Variants in SYT2 observed in about 807,000 individuals in gnomAD.
SYT2 encodes the protein synaptotagmin 2, also known as synaptotagmin-2.
A neutral mutation model predicts 39.9 loss-of-function variants in SYT2; 15 were observed. That is an observed-to-expected ratio of 0.38 (90% CI 0.25 to 0.58). SYT2 has a LOEUF of 0.58. SYT2 is among the 20% of genes least tolerant of loss of function. SYT2 has a pLI of 0.70. For synonymous variants in SYT2, 181 were observed against 204.5 expected (o/e 0.89, Z 0.98); for missense variants, 389 against 530.3 (o/e 0.73, Z 2.62).
intron 1 of SYT2, among the ~76,000 whole-genome samples, chr1:202,683,587 T>A (rs922221941): frequency 6.6e-6 from 1 of 151,834 alleles, no homozygotes; most frequent in East Asian, 1.9e-4. Context: ...AAAAATATTT[T>A]AAAAATAGCT....
At chr1:202,702,391 T>G (rs1462178160) in intron 1 of SYT2, among the ~76,000 whole-genome samples, 1 of 152,334 alleles carries the variant, frequency 6.6e-6, no homozygotes, top group East Asian at 1.9e-4. Context: ...CAGGGCAGCC[T>G]TATTAAAGTG....
chr1:202,596,127 G>GCACT lies in SYT2; in HGVS notation c.*629_*630insAGTG, dbSNP rs1690276163. On this transcript the variant is annotated 3_prime_UTR_variant, in exon 9 of 9. Coordinates refer to ENST00000367268, the MANE Select transcript of SYT2 (RefSeq NM_177402.5). The stretch of plus-strand genomic sequence containing the variant: ...GATGAGAGAAGATCTCCCACTTAGT[G>GCACT]GACTTCTTCATGTCAGGGTCCCCAA... 6.6e-6 allele frequency: 1 copy of GCACT among 152,040 alleles called. No homozygotes were observed. Among genetic ancestry groups the GCACT allele is most frequent in the South Asian group, 2.1e-4 (1 of 4,816 alleles). The allele number at this position is 152,040 out of a possible 1,614,324, so 9.4% of individuals were successfully genotyped here. A position where few individuals can be genotyped will look rare whatever the true frequency, so the allele number is the denominator to read the frequency against.
intron 1 of SYT2, among the ~76,000 whole-genome samples, chr1:202,637,339 G>A (rs1338744472): frequency 2.0e-5 from 3 of 152,148 alleles, no homozygotes; most frequent in South Asian, 2.1e-4. Context: ...GCGACAGAGT[G>A]AGACCCTGTC....
intron 1 of SYT2, among the ~76,000 whole-genome samples, chr1:202,691,725 GAGGGGGGGAGAGAGAGAGA>G (rs1653832694): frequency 1.8e-4 from 3 of 16,366 alleles, no homozygotes; most frequent in African/African-American, 3.7e-4. Context: ...GGGAGAGGGA[GAGGGGGGGAGAGAGAGAGA>G]GAGAGAGAGA....
intron 1 of SYT2, among the ~76,000 whole-genome samples, chr1:202,697,502 T>A (rs1654004311): frequency 6.6e-6 from 1 of 152,272 alleles, no homozygotes; most frequent in South Asian, 2.1e-4. Context: ...ATGTCCTGAC[T>A]TGCTGCGAAC....
chr1:202,643,029 G>A (rs1691964487), intron 1 of SYT2, among the ~76,000 whole-genome samples: 1 of 152,236 alleles, frequency 6.6e-6, no homozygotes, highest in African/African-American at 2.4e-5. Context: ...CACCTCCCCC[G>A]GGTCTAGCCA....
At chr1:202,618,419 G>GTGTGTGTA (rs1161765936) in intron 1 of SYT2, among the ~76,000 whole-genome samples, 1 of 151,950 alleles carries the variant, frequency 6.6e-6, no homozygotes, top group East Asian at 1.9e-4. Flanking sequence ...GTGTGTGTGT[G>GTGTGTGTA]TGTGTGTGTG....
intron 1 of SYT2, among the ~76,000 whole-genome samples, chr1:202,683,107 G>A (rs769710075): frequency 2.0e-5 from 3 of 152,184 alleles, no homozygotes; most frequent in Non-Finnish European, 2.9e-5. Context: ...AAAACATGGA[G>A]GAGCAGGAAT....
intron 1 of SYT2, among the ~76,000 whole-genome samples, chr1:202,701,380 T>C (rs984817443): frequency 6.6e-6 from 1 of 152,236 alleles, no homozygotes; most frequent in African/African-American, 2.4e-5. Flanking sequence ...ACTGTTCAGT[T>C]GCTTGAGAAA....
At chr1:202,608,435 C>T (rs952185916) in intron 1 of SYT2, among the ~76,000 whole-genome samples, 1 of 152,058 alleles carries the variant, frequency 6.6e-6, no homozygotes, top group African/African-American at 2.4e-5. Context: ...TGCCATCACA[C>T]CAAGCTAATT....
intron 1 of SYT2, among the ~76,000 whole-genome samples, chr1:202,697,247 C>A (rs1653995280): frequency 6.6e-6 from 1 of 152,262 alleles, no homozygotes; most frequent in Admixed American, 6.5e-5. Context: ...CAGGATCTCA[C>A]ATGGAGCAGT....
chr1:202,637,640 TGA>T lies in SYT2; in HGVS notation c.-17-31853_-17-31852del, dbSNP rs36052086. ...TCTGCCCCACTGTGAGCAGCAGCTT[TGA>T]GAGACTCTCCTGCCGGCTGCTCATA... On this transcript the variant is annotated intron_variant, in intron 1 of 8. Transcript: ENST00000367268. Among the ~76,000 whole-genome samples, 3,213 of 152,362 alleles carry T rather than the reference TGA, an allele frequency of 0.021. 280 individuals carry two copies. In the East Asian group the frequency reaches 0.28, roughly 13 times the overall value.
intron 1 of SYT2, among the ~76,000 whole-genome samples, chr1:202,683,018 AG>A: frequency 6.6e-6 from 1 of 152,344 alleles, no homozygotes; most frequent in East Asian, 1.9e-4. Flanking sequence ...TTTAGTCATC[AG>A]GGAAGTGCAT....
intron 1 of SYT2, among the ~76,000 whole-genome samples, chr1:202,650,175 C>T (rs982811191): frequency 6.6e-6 from 1 of 152,256 alleles, no homozygotes; most frequent in Non-Finnish European, 1.5e-5. Context: ...AAATAATCAA[C>T]TCCCCTGTCT....
intron 1 of SYT2, among the ~76,000 whole-genome samples, chr1:202,705,601 G>A (rs961741181): frequency 2.0e-5 from 3 of 152,152 alleles, no homozygotes; most frequent in African/African-American, 7.2e-5. Flanking sequence ...TAAGTGTGAG[G>A]GGCTTTCAGA....
At chr1:202,708,386 T>TCTC (rs1020456389) in intron 1 of SYT2, among the ~76,000 whole-genome samples, 11 of 151,810 alleles carry the variant, frequency 7.2e-5, no homozygotes, top group Non-Finnish European at 1.0e-4. Context: ...TCTGCCTCCC[T>TCTC]CTCCTCCTCC....
At position 202,623,148 on chromosome 1, in the gene SYT2, C is replaced by T. The variant is rs2149084176; in HGVS notation, c.-17-17359G>A. On this transcript the variant is annotated intron_variant, in intron 1 of 8. Transcript: ENST00000367268. The surrounding 1 kb of genome is among the most constrained non-coding windows in gnomAD (Gnocchi z 4.2). The stretch of plus-strand genomic sequence containing the variant: ...CCCCCGCCAGGCAAGCCCCTCAGCA[C>T]ACCCTCCGCTCTGCCACCCCAGCCA... Among the ~76,000 whole-genome samples the T allele has an allele frequency of 6.6e-6, 1 of 152,344 alleles. No individual in the cohort carries two copies. The highest frequency in any genetic ancestry group is 2.4e-5 in the African/African-American group (1 of 41,584).
chr1:202,686,060 G>A (rs1653657903), intron 1 of SYT2, among the ~76,000 whole-genome samples: 1 of 152,158 alleles, frequency 6.6e-6, no homozygotes, highest in Non-Finnish European at 1.5e-5. Context: ...AATATGGTTT[G>A]GATATCTGTC....
chr1:202,626,618 C>T (rs188442709), intron 1 of SYT2, among the ~76,000 whole-genome samples: 106 of 152,094 alleles, frequency 7.0e-4, no homozygotes, highest in Admixed American at 4.7e-3. Flanking sequence ...TCACCTGCCT[C>T]AGCCTCCCAA....
Sources: gnomAD v4.1 joint callset for allele counts (sites outside exome capture counted in the v4.1 genomes callset) on GRCh38, gnomAD v4.1.1 for gene constraint, Gnocchi (gnomAD v3.1) non-coding constraint, MANE v1.5 for transcripts, NCBI Gene and HGNC (gene_info 2026-07-23, HGNC 2026-07-21) for gene names.